The following RAB3C variants were observed in gnomAD, a reference collection of about 807,000 sequenced individuals.
RAB3C encodes ras-related protein Rab-3C.
A neutral mutation model predicts 26.4 loss-of-function variants in RAB3C; 17 were observed. The observed-to-expected ratio is 0.64, with a 90% CI of 0.44 to 0.97. The LOEUF is 0.97. Among genes scored for constraint, RAB3C ranks in the 50% least tolerant of loss-of-function variants. RAB3C has a pLI of 0.00. For synonymous variants in RAB3C, 91 were observed against 95.9 expected (o/e 0.95, Z 0.30); for missense variants, 242 against 281.9 (o/e 0.86, Z 1.01).
intron 3 of RAB3C, among the ~76,000 whole-genome samples, chr5:58,733,402 G>T (rs1387467225): frequency 6.6e-6 from 1 of 152,156 alleles, no homozygotes; most frequent in Non-Finnish European, 1.5e-5. Flanking sequence ...TTTACGATGT[G>T]CTTCAGACTT....
At chr5:58,698,881 A>G (rs1353124691) in intron 2 of RAB3C, among the ~76,000 whole-genome samples, 3 of 152,130 alleles carry the variant, frequency 2.0e-5, no homozygotes, top group East Asian at 1.9e-4. Context: ...ATCCTCCTTT[A>G]GCTCGGAGAA....
In RAB3C at chr5:58,625,729, C is replaced by T. The variant is rs530833189; in HGVS notation, c.252+7859C>T. 2.8e-3 allele frequency among the ~76,000 whole-genome samples: 418 copies of T among 151,922 alleles called. 1 individual carries two copies. The highest frequency in any genetic ancestry group is 9.2e-3 in the African/African-American group (383 of 41,410). On this transcript the variant is annotated intron_variant, in intron 2 of 4. Coordinates refer to ENST00000282878, the MANE Select transcript of RAB3C (RefSeq NM_138453.4). ...AAAATTAGCCGGGTGTTGTGGTGCA[C>T]GCCTGTAATCCCAGCTACTTAGGAG...
At chr5:58,747,225 T>A (rs952228658) in intron 3 of RAB3C, among the ~76,000 whole-genome samples, 18 of 152,216 alleles carry the variant, frequency 1.2e-4, no homozygotes, top group Admixed American at 9.2e-4. Context: ...TTAGTAAGGT[T>A]GCTAGATATA....
chr5:58,666,948 C>T (rs749493319), intron 2 of RAB3C, among the ~76,000 whole-genome samples: 10 of 152,142 alleles, frequency 6.6e-5, no homozygotes, highest in African/African-American at 1.2e-4. Flanking sequence ...AACATTTGAG[C>T]GTTTTGTCCT....
At chr5:58,681,659 T>G (rs1748347024) in intron 2 of RAB3C, among the ~76,000 whole-genome samples, 2 of 152,158 alleles carry the variant, frequency 1.3e-5, no homozygotes, top group South Asian at 4.1e-4. Flanking sequence ...TATTTGGGAA[T>G]AGTGGCTGGA....
chr5:58,660,203 A>C (rs1389593243), intron 2 of RAB3C, among the ~76,000 whole-genome samples: 3 of 150,158 alleles, frequency 2.0e-5, no homozygotes, highest in Admixed American at 6.6e-5. Context: ...CTATCTATGC[A>C]AGGTAGATAG....
chr5:58,713,813 C>T (rs766393700), intron 2 of RAB3C, among the ~76,000 whole-genome samples: 2 of 152,128 alleles, frequency 1.3e-5, no homozygotes, highest in African/African-American at 2.4e-5. Flanking sequence ...TAAACCAGGA[C>T]ATTCTTGGGC....
chr5:58,584,664 C>G (rs1745974080), intron 1 of RAB3C, among the ~76,000 whole-genome samples: 4 of 152,074 alleles, frequency 2.6e-5, no homozygotes, highest in Admixed American at 2.6e-4. Flanking sequence ...TTATACTTCA[C>G]TATGTATATG....
chr5:58,630,174 G>A (rs1190433259), intron 2 of RAB3C, among the ~76,000 whole-genome samples: 4 of 152,326 alleles, frequency 2.6e-5, no homozygotes, highest in African/African-American at 9.6e-5. Flanking sequence ...ACTCTGTAAT[G>A]CATTGGTTTT....
At chr5:58,722,640 A>T (rs926671099) in intron 2 of RAB3C, among the ~76,000 whole-genome samples, 1 of 151,634 alleles carries the variant, frequency 6.6e-6, no homozygotes, top group African/African-American at 2.4e-5. Flanking sequence ...CATTTTAAAC[A>T]GTCTTTTGAA....
intron 4 of RAB3C, among the ~76,000 whole-genome samples, chr5:58,847,907 G>A (rs1176762371): frequency 6.6e-6 from 1 of 152,038 alleles, no homozygotes; most frequent in Admixed American, 6.6e-5. Context: ...CCAGGCTGGA[G>A]TGCCAGTGGT....
intron 3 of RAB3C, among the ~76,000 whole-genome samples, chr5:58,797,319 AT>A (rs1394621750): frequency 4.5e-4 from 63 of 140,232 alleles, no homozygotes; most frequent in African/African-American, 1.7e-3. Context: ...AGCACCAAGG[AT>A]ATCAGACTCC....
chr5:58,591,839 G>A (rs960004211), intron 1 of RAB3C, among the ~76,000 whole-genome samples: 4 of 141,268 alleles, frequency 2.8e-5, no homozygotes, highest in African/African-American at 1.0e-4. Flanking sequence ...ATTCTTTTTT[G>A]CTTAATTACA....
intron 2 of RAB3C, among the ~76,000 whole-genome samples, chr5:58,693,332 ATGTG>A (rs3059475): frequency 0.16 from 17,410 of 106,960 alleles, 1,503 homozygotes; most frequent in Non-Finnish European, 0.21. Context: ...TTATATATAT[ATGTG>A]TATATATATA....
Position 58,857,487 on chromosome 5 carries a change from C to A in RAB3C, c.*6136C>A, listed in dbSNP as rs761186888. The A allele has an allele frequency of 2.0e-5, 3 of 152,072 alleles. No homozygotes were observed. The highest frequency in any genetic ancestry group is 4.4e-5 in the Non-Finnish European group (3 of 68,000). 9.4% of individuals were successfully genotyped at this position (152,072 alleles called of 1,614,324 possible). A position where few individuals can be genotyped will look rare whatever the true frequency, so the allele number is the denominator to read the frequency against. On this transcript the variant is annotated 3_prime_UTR_variant, in exon 5 of 5. Coordinates refer to ENST00000282878, the MANE Select transcript of RAB3C (RefSeq NM_138453.4). ...TACTTTTAAGCAACTAATTTAGATA[C>A]CTAAGAAAAACTATGTGCATTAGGA...
Position 58,617,736 on chromosome 5 carries a change from A to G in RAB3C, c.118A>G (p.Ser40Gly). Residue 40 changes from serine to glycine, a missense_variant, in exon 2 of 5, where the codon AGT (serine) becomes GGT (glycine). Ser to Gly is a moderately conservative substitution (Grantham distance 56). Transcript: ENST00000282878. ...CAAATTACTCATCATCGGCAATAGC[A>G]GTGTGGGGAAAACATCTTTTCTATT... ...MFKLLIIGNS[S>G]VGKTSFLFRY... is the part of the protein sequence containing the mutation. The G allele has an allele frequency of 6.2e-7, 1 of 1,613,986 alleles. No homozygotes were observed. Among genetic ancestry groups the G allele is most frequent in the Non-Finnish European group, 8.5e-7 (1 of 1,179,872 alleles).
intron 4 of RAB3C, among the ~76,000 whole-genome samples, chr5:58,849,419 C>T (rs1358666654): frequency 2.0e-5 from 3 of 152,182 alleles, no homozygotes; most frequent in African/African-American, 7.2e-5. Flanking sequence ...TGCTTAGATC[C>T]ATGCTTGCCT....
At chr5:58,733,366 C>G (rs138550759) in intron 3 of RAB3C, among the ~76,000 whole-genome samples, 504 of 152,284 alleles carry the variant, frequency 3.3e-3, no homozygotes, top group African/African-American at 0.011. Flanking sequence ...TGGCTATAAA[C>G]AATCACACTG....
rs1744302066 is a variant in RAB3C at position 58,858,051 on chromosome 5, T to C, written c.*6700T>C. On this transcript the variant is annotated 3_prime_UTR_variant, in exon 5 of 5. Transcript: ENST00000282878. Reference sequence around the variant, plus strand: ...AGGAAGAAAAACAAGTTATGACTTATTCACTAAAATTGATGCAAGACAGTT... The same window carrying C: ...AGGAAGAAAAACAAGTTATGACTTACTCACTAAAATTGATGCAAGACAGTT... 1 of 152,174 alleles carries C rather than the reference T, an allele frequency of 6.6e-6. No individual in the cohort carries two copies. The highest frequency in any genetic ancestry group is 2.4e-5 in the African/African-American group (1 of 41,460). 9.4% of individuals were successfully genotyped at this position (152,174 alleles called of 1,614,324 possible).
Sources: allele counts gnomAD v4.1 joint callset (sites outside exome capture counted in the v4.1 genomes callset), GRCh38; gene constraint gnomAD v4.1.1; transcripts MANE v1.5; gene names NCBI Gene and HGNC (gene_info 2026-07-23, HGNC 2026-07-21).